Variants in UBASH3A observed in about 807,000 individuals in gnomAD.
The protein encoded by UBASH3A is ubiquitin-associated and SH3 domain-containing protein A.
Under a neutral mutation model 73.5 loss-of-function variants are expected in UBASH3A, and 63 were observed. The ratio of observed to expected loss-of-function variants is 0.86; its 90% confidence interval spans 0.70 to 1.06. The LOEUF is 1.06. Ranked by LOEUF, UBASH3A falls within the 50% of genes least tolerant of loss-of-function variation. The pLI, the probability that UBASH3A is intolerant of heterozygous loss-of-function variation, is 0.00. For missense variants in UBASH3A, 860 were observed against 859.0 expected (o/e 1.00, Z -0.02); for synonymous variants, 363 against 351.1 (o/e 1.03, Z -0.38).
rs1487108412 is a variant in UBASH3A at position 42,413,056 on chromosome 21, G to C, written c.387G>C (p.Glu129Asp). 6.2e-7 allele frequency: 1 copy of C among 1,614,230 alleles called. No homozygotes were observed. Residue 129 changes from glutamate to aspartate, a missense_variant, in exon 4 of 15, where the codon GAG (glutamate) becomes GAC (aspartate). By Grantham distance (45) the Glu-to-Asp change is conservative. Transcript: ENST00000319294. The surrounding 1 kb of genome is among the most constrained non-coding windows in gnomAD (Gnocchi z 4.5). ...ACCAGAAGGTGGAATGCCTGTACGA[G>C]GCGCTGAAGAGAGCTGGAGACAGGC... ...CEDQKVECLY[E>D]ALKRAGDRLL...
intron 3 of UBASH3A, among the ~76,000 whole-genome samples, chr21:42,409,873 C>T (rs552276468): frequency 3.9e-5 from 6 of 152,250 alleles, no homozygotes; most frequent in East Asian, 1.9e-4. Flanking sequence ...AGTTGCTGCC[C>T]ATTTTCTCGT....
Position 42,406,356 on chromosome 21 carries a change from G to C in UBASH3A, c.162G>C (p.Leu54Phe). 1 of 1,613,782 alleles carries C rather than the reference G, an allele frequency of 6.2e-7. No individual in the cohort carries two copies. Among genetic ancestry groups the C allele is most frequent in the Non-Finnish European group, 8.5e-7 (1 of 1,179,648 alleles). The change falls in exon 2 of 15, where the codon TTG becomes TTC. Residue 54 changes from leucine to phenylalanine, a missense_variant. Physicochemically the swap from Leu to Phe is conservative, Grantham distance 22 (BLOSUM62 0). Coordinates refer to ENST00000319294, the MANE Select transcript of UBASH3A (RefSeq NM_018961.4). ...GGAGGAAGACGGCGGAGGAGGCCTTGGCCTGGTGAGTGCAGCTGCTTCTGT... is the reference window on the plus strand; with the variant it reads ...GGAGGAAGACGGCGGAGGAGGCCTTCGCCTGGTGAGTGCAGCTGCTTCTGT... Reference protein sequence around the residue: ...ATGRKTAEEALAWLHDHCNDP... With the variant: ...ATGRKTAEEAFAWLHDHCNDP...
chr21:42,421,400 C>T (rs952721062), intron 7 of UBASH3A, among the ~76,000 whole-genome samples: 3 of 152,240 alleles, frequency 2.0e-5, no homozygotes, highest in Admixed American at 1.3e-4. Context: ...GTGGCCATCC[C>T]TCTGTCTCCA....
chr21:42,440,002 CCACACACACAA>C (rs2053710361), intron 11 of UBASH3A, among the ~76,000 whole-genome samples: 1 of 149,424 alleles, frequency 6.7e-6, no homozygotes. Context: ...CACCCACACA[CCACACACACAA>C]CACACACCCA....
intron 11 of UBASH3A, among the ~76,000 whole-genome samples, chr21:42,441,717 T>A (rs568245397): frequency 1.1e-4 from 16 of 152,248 alleles, no homozygotes; most frequent in African/African-American, 3.9e-4. Context: ...CTTGGGGGCC[T>A]GATTAACTTG....
Position 42,444,453 on chromosome 21 carries a change from C to A in UBASH3A, c.1739-81C>A, listed in dbSNP as rs2053811699. 2.1e-5 allele frequency: 22 copies of A among 1,058,016 alleles called. No homozygotes were observed. In the South Asian group the frequency reaches 2.4e-4, roughly 11 times the overall value. The allele number at this position is 1,058,016 out of a possible 1,614,324, so 65.5% of individuals were successfully genotyped here. ...GGGGCACTCTGAGATAGCTCTGCCC[C>A]CCACCACTTTGGGGACCCCAGTCTA... On this transcript the variant is annotated intron_variant, in intron 13 of 14. Coordinates refer to ENST00000319294, the MANE Select transcript of UBASH3A (RefSeq NM_018961.4).
intron 6 of UBASH3A, among the ~76,000 whole-genome samples, chr21:42,417,855 ATC>A (rs945879093): frequency 7.3e-6 from 1 of 136,110 alleles, no homozygotes; most frequent in African/African-American, 2.7e-5. Flanking sequence ...CCCAAAATGT[ATC>A]TCTTTTTTTT....
chr21:42,419,196 G>A (rs757309810), intron 7 of UBASH3A, among the ~76,000 whole-genome samples: 16 of 152,144 alleles, frequency 1.1e-4, no homozygotes, highest in Non-Finnish European at 2.1e-4. Context: ...TGAAGCTGTA[G>A]GGCTCCTGGT....
chr21:42,411,949 T>C (rs2053106978), intron 3 of UBASH3A, among the ~76,000 whole-genome samples: 1 of 152,106 alleles, frequency 6.6e-6, no homozygotes, highest in Non-Finnish European at 1.5e-5. Context: ...GGCCTGTCCA[T>C]GGGGAGACGG....
intron 2 of UBASH3A, among the ~76,000 whole-genome samples, chr21:42,408,924 A>AAAATAAAAT (rs1555859587): frequency 2.0e-5 from 3 of 150,184 alleles, no homozygotes; most frequent in Non-Finnish European, 4.4e-5. Flanking sequence ...AAAATAAAAT[A>AAAATAAAAT]AAATAAAATA....
At chr21:42,427,934 C>T (rs1220225012) in intron 8 of UBASH3A, among the ~76,000 whole-genome samples, 1 of 152,174 alleles carries the variant, frequency 6.6e-6, no homozygotes, top group African/African-American at 2.4e-5. Context: ...GAAGTCCTAA[C>T]CCCCAGTCTC....
chr21:42,409,306 C>A (rs2053041832), intron 2 of UBASH3A, 116 bp from the exon 3 acceptor site: 1 of 1,062,894 alleles, frequency 9.4e-7, no homozygotes, highest in Non-Finnish European at 1.3e-6. Flanking sequence ...TATATGATGT[C>A]TTCAGTGTGC....
At chr21:42,410,379 T>C in intron 3 of UBASH3A, 1 of 560,260 alleles carries the variant, frequency 1.8e-6, no homozygotes, top group Non-Finnish European at 3.2e-6. Flanking sequence ...GTTCCACCCA[T>C]TTCAAGGAAT....
chr21:42,444,451 C>A, intron 13 of UBASH3A, 83 bp from the exon 14 acceptor site: 1 of 1,025,820 alleles, frequency 9.7e-7, no homozygotes, highest in Non-Finnish European at 1.5e-6. Context: ...ATAGCTCTGC[C>A]CCCCACCACT....
intron 11 of UBASH3A, among the ~76,000 whole-genome samples, chr21:42,437,885 G>A (rs142789295): frequency 1.2e-4 from 19 of 152,316 alleles, no homozygotes; most frequent in African/African-American, 2.9e-4. Context: ...CCTGGAAAGC[G>A]GCATTCGAAA....
Position 42,409,506 on chromosome 21 carries a change from G to T in UBASH3A, c.252G>T (p.Leu84=). Reference sequence around the variant, plus strand: ...TTTTCCTCTGTCCAACGGGGCCCCTGCTGGAAAAACTTCAAGAGTTCTGGA... The same window carrying T: ...TTTTCCTCTGTCCAACGGGGCCCCTTCTGGAAAAACTTCAAGAGTTCTGGA... ...YALFLCPTGP[L]LEKLQEFWRE... The change falls in exon 3 of 15, where the codon CTG becomes CTT. Residue 84 remains leucine (L), a synonymous_variant. Transcript: ENST00000319294. 6.2e-7 allele frequency: 1 copy of T among 1,614,102 alleles called. No homozygotes were observed.
At chr21:42,439,913 CCT>C (rs2053705118) in intron 11 of UBASH3A, among the ~76,000 whole-genome samples, 1 of 146,112 alleles carries the variant, frequency 6.8e-6, no homozygotes, top group African/African-American at 2.5e-5. Flanking sequence ...ACACCACACA[CCT>C]CACACACACC....
At chr21:42,434,103 C>T (rs2053584331) in intron 9 of UBASH3A, among the ~76,000 whole-genome samples, 2 of 152,152 alleles carry the variant, frequency 1.3e-5, no homozygotes, top group African/African-American at 4.8e-5. Flanking sequence ...TGCCCCGACT[C>T]GTTGACCACT....
At chr21:42,426,948 C>T (rs779834401) in intron 8 of UBASH3A, 128 bp downstream of exon 8, 175 of 1,246,890 alleles carry the variant, frequency 1.4e-4, no homozygotes, top group Non-Finnish European at 1.4e-4. Flanking sequence ...TGCCCTAGAG[C>T]GTGGTCAGCA....
Sources: allele counts gnomAD v4.1 joint callset (sites outside exome capture counted in the v4.1 genomes callset), GRCh38; gene constraint gnomAD v4.1.1; non-coding constraint Gnocchi (gnomAD v3.1); transcripts MANE v1.5; gene names NCBI Gene and HGNC (gene_info 2026-07-23, HGNC 2026-07-21).